Variants in ESPL1 observed in about 807,000 individuals in gnomAD.
The protein encoded by ESPL1 is extra spindle pole bodies like 1, separase.
Under a neutral mutation model 217.2 loss-of-function variants are expected in ESPL1, and 50 were observed. The observed-to-expected ratio is 0.23, with a 90% CI of 0.18 to 0.29. The LOEUF is 0.29. Ranked by LOEUF, ESPL1 falls within the 10% of genes least tolerant of loss-of-function variation. The probability of loss-of-function intolerance (pLI) is 1.00; values close to 1 mark genes in which losing one functional copy is unlikely to be tolerated. For missense variants in ESPL1, 1,834 were observed against 2,603.0 expected, an observed-to-expected ratio of 0.70 and a Z score of 6.43; for synonymous variants, 994 against 1,081.3, an observed-to-expected ratio of 0.92 and a Z score of 1.58.
rs1293979491 is a variant in ESPL1, at chr12:53,293,375, C to G, written c.6264C>G (p.Pro2088=). ...GGCTTGGAGCAGGCCCAGGGGCCCC[C>G]CTTCTCTACTATGTAAACCAGGCCC... The part of the protein sequence containing the change: ...QGWLGAGPGA[P]LLYYVNQARQ... Residue 2088 remains proline (P), a synonymous_variant, in exon 31 of 31, where the codon CCC becomes CCG. Transcript: ENST00000257934. The surrounding 1 kb of genome is among the most constrained non-coding windows in gnomAD (Gnocchi z 4.2). The G allele has an allele frequency of 2.5e-6, 4 of 1,614,188 alleles. No individual in the cohort carries two copies. Among genetic ancestry groups the G allele is most frequent in the Non-Finnish European group, 2.5e-6 (3 of 1,180,002 alleles).
chr12:53,271,029 G>A (rs1426644585), intron 5 of ESPL1, among the ~76,000 whole-genome samples: 2 of 151,818 alleles, frequency 1.3e-5, no homozygotes, highest in Admixed American at 1.3e-4. Flanking sequence ...ATCTAACTTG[G>A]CATTAACAGT....
At position 53,292,476 on chromosome 12, in the gene ESPL1, G is replaced by A; in HGVS notation, c.5912+83G>A. ...ACAAGCCTTTTCTCCAGAAACAGCTGTTGCAGCCCACCTTCTATCTAATGA... is the reference window on the plus strand; with the variant it reads ...ACAAGCCTTTTCTCCAGAAACAGCTATTGCAGCCCACCTTCTATCTAATGA... On this transcript the variant is annotated intron_variant, in intron 28 of 30. Coordinates refer to ENST00000257934, the MANE Select transcript of ESPL1 (RefSeq NM_012291.5). This position sits in a 1 kb window ranked among gnomAD's most constrained non-coding sequence, Gnocchi z 4.5. The A allele has an allele frequency of 7.2e-7, 1 of 1,384,598 alleles. No individual in the cohort carries two copies. The highest frequency in any genetic ancestry group is 1.0e-6 in the Non-Finnish European group (1 of 971,322). 85.8% of individuals were successfully genotyped at this position (1,384,598 alleles called of 1,614,324 possible). A position where few individuals can be genotyped will look rare whatever the true frequency, so the allele number is the denominator to read the frequency against.
Position 53,269,804 on chromosome 12 carries a change from G to A in ESPL1, c.862G>A (p.Ala288Thr). ...AHSYLRNTNL[A>T]PSLQLCQLGV... is the part of the protein sequence containing the mutation. ...CAGTTACCTAAGGAACACCAATCTA[G>A]CCCCTAGCCTTCAGCTATGTCAGCT... is the stretch of plus-strand genomic sequence containing the variant. Residue 288 changes from alanine to threonine, a missense_variant, in exon 3 of 31, where the codon GCC becomes ACC. By Grantham distance (58) the Ala-to-Thr change is moderately conservative. Around this residue, in one of 5 missense-constraint regions of ESPL1, gnomAD observed 746 missense variants for 1,077.0 expected, o/e 0.69. Transcript: ENST00000257934. The surrounding 1 kb of genome is among the most constrained non-coding windows in gnomAD (Gnocchi z 6.7). 1 of 1,614,214 alleles carries A rather than the reference G, an allele frequency of 6.2e-7. No individual in the cohort carries two copies. Among genetic ancestry groups the A allele is most frequent in the Non-Finnish European group, 8.5e-7 (1 of 1,180,040 alleles).
rs1371431242 is a variant in ESPL1, at chr12:53,272,870, G to A, written c.1506+13G>A. 4 of 1,612,954 alleles carry A rather than the reference G, an allele frequency of 2.5e-6. No individual in the cohort carries two copies. The highest frequency in any genetic ancestry group is 2.2e-5 in the East Asian group (1 of 44,858). On this transcript the variant is annotated intron_variant, in intron 6 of 30. Transcript: ENST00000257934. ...GCCTCCTGAGAAGGTACAAGGGAAT[G>A]AGAGATGCAGGAAAGGAGCTTATGT...
Position 53,281,623 on chromosome 12 carries a change from G to C in ESPL1, c.2616G>C (p.Gln872His). 1 of 1,612,784 alleles carries C rather than the reference G, an allele frequency of 6.2e-7. No individual in the cohort carries two copies. The highest frequency in any genetic ancestry group is 8.5e-7 in the Non-Finnish European group (1 of 1,179,396). The change falls in exon 13 of 31, where the codon CAG becomes CAC. Residue 872 changes from glutamine (Q) to histidine (H), a missense_variant. By Grantham distance (24) the Gln-to-His change is conservative. Transcript: ENST00000257934. The stretch of plus-strand genomic sequence containing the variant: ...GAAGTCAACTCTACTGGACTCACCA[G>C]AAGGTATTTCTCACTTTCTTAAACT... ...LLRSQLYWTHQKVTKGVSLLL... is the reference protein window; with the variant it reads ...LLRSQLYWTHHKVTKGVSLLL...
chr12:53,268,832 G>T lies in ESPL1; in HGVS notation c.66G>T (p.Leu22Phe). ...GCAGCCAGAAGGAGGCTGAAGAGTT[G>T]CTGCCCGCCTTGAAGGTGGGGGTGC... is the stretch of plus-strand genomic sequence containing the variant. ...LLSSQKEAEE[L>F]LPALKEFLSN... The change falls in exon 2 of 31, where the codon TTG becomes TTT. Residue 22 changes from leucine (L) to phenylalanine (F), a missense_variant. Leu to Phe is a conservative substitution (Grantham distance 22, BLOSUM62 0). This residue lies in a region of ESPL1 where 746 missense variants were observed against 1,077.0 expected (regional missense o/e 0.69). Coordinates refer to ENST00000257934, the MANE Select transcript of ESPL1 (RefSeq NM_012291.5). The T allele has an allele frequency of 6.2e-7, 1 of 1,612,284 alleles. No individual in the cohort carries two copies.
intron 7 of ESPL1, 110 bp downstream of exon 7, chr12:53,275,120 T>C (rs1943743631): frequency 6.3e-6 from 5 of 795,586 alleles, no homozygotes; most frequent in Non-Finnish European, 7.6e-6. Context: ...GCCAACATGG[T>C]GAAACCCCGT....
chr12:53,289,655 C>A, intron 22 of ESPL1, 61 bp downstream of exon 22: 1 of 1,447,210 alleles, frequency 6.9e-7, no homozygotes, highest in Non-Finnish European at 9.5e-7. Context: ...TACTTGGGAG[C>A]TGGGTGAAGG....
intron 6 of ESPL1, among the ~76,000 whole-genome samples, chr12:53,273,767 A>G (rs1350595483): frequency 2.0e-5 from 3 of 150,116 alleles, no homozygotes; most frequent in African/African-American, 7.4e-5. Context: ...TCACATCTGA[A>G]TATTTTCAAA....
In ESPL1 at chr12:53,282,514, C is replaced by T; in HGVS notation, c.2791+79C>T. On this transcript the variant is annotated intron_variant, in intron 14 of 30. Transcript: ENST00000257934. The surrounding 1 kb of genome is among the most constrained non-coding windows in gnomAD (Gnocchi z 4.0). The stretch of plus-strand genomic sequence containing the variant: ...TGTCAGCTCTTCTCAAACCTCATCC[C>T]CTCTGCTGGCTAACTATGTGGCCCA... The T allele has an allele frequency of 7.5e-7, 1 of 1,334,168 alleles. No homozygotes were observed. The highest frequency in any genetic ancestry group is 1.1e-6 in the Non-Finnish European group (1 of 950,526). The allele number at this position is 1,334,168 out of a possible 1,614,324, so 82.6% of individuals were successfully genotyped here. A position where few individuals can be genotyped will look rare whatever the true frequency, so the allele number is the denominator to read the frequency against.
Position 53,276,822 on chromosome 12 carries a change from G to A in ESPL1, c.1903G>A (p.Val635Met). 6.2e-7 allele frequency: 1 copy of A among 1,613,936 alleles called. No individual in the cohort carries two copies. The highest frequency in any genetic ancestry group is 8.5e-7 in the Non-Finnish European group (1 of 1,180,040). ...RATHLVELAQ[V>M]LCYHDFTQQT... The stretch of plus-strand genomic sequence containing the variant: ...CACCCACCTGGTAGAACTGGCTCAG[G>A]TGCTCTGCTACCACGACTTTACGCA... The change falls in exon 8 of 31, where the codon GTG becomes ATG. Residue 635 changes from valine (V) to methionine (M), a missense_variant. This residue lies in a region of ESPL1 where 746 missense variants were observed against 1,077.0 expected (regional missense o/e 0.69). Coordinates refer to ENST00000257934, the MANE Select transcript of ESPL1 (RefSeq NM_012291.5).
chr12:53,271,889 A>C (rs577698433), intron 5 of ESPL1, among the ~76,000 whole-genome samples: 39 of 152,256 alleles, frequency 2.6e-4, no homozygotes, highest in African/African-American at 8.7e-4. Context: ...GGAGATCGAG[A>C]CCATCCTGGC....
At chr12:53,279,133 C>T (rs1272974219) in intron 11 of ESPL1, among the ~76,000 whole-genome samples, 1 of 152,190 alleles carries the variant, frequency 6.6e-6, no homozygotes, top group Non-Finnish European at 1.5e-5. Flanking sequence ...TCAGGTGACC[C>T]GTCTGCCTCA....
chr12:53,283,470 T>C lies in ESPL1; in HGVS notation c.3009T>C (p.Ser1003=), dbSNP rs772561867. 6.8e-6 allele frequency: 11 copies of C among 1,613,986 alleles called. 1 individual carries two copies. In the South Asian group the frequency reaches 1.2e-4, roughly 18 times the overall value. The stretch of plus-strand genomic sequence containing the variant: ...TCTGCCACCTGGGCCGCCTGGGTAG[T>C]GTGAGTGAAGCCAAGGCCTTTTGCT... ...KLVCHLGRLG[S]VSEAKAFCLE... Residue 1003 remains serine, a synonymous_variant, in exon 16 of 31, where the codon AGT becomes AGC. Transcript: ENST00000257934.
At chr12:53,287,645 G>C (rs966818068) in intron 18 of ESPL1, 2 of 195,074 alleles carry the variant, frequency 1.0e-5, no homozygotes, top group Non-Finnish European at 2.1e-5. Flanking sequence ...GATTACAGAC[G>C]TGAGCCACTG....
chr12:53,282,988 G>C lies in ESPL1; in HGVS notation c.2792-141G>C, dbSNP rs1565758878. 1 of 1,098,184 alleles carries C rather than the reference G, an allele frequency of 9.1e-7. No homozygotes were observed. Among genetic ancestry groups the C allele is most frequent in the Non-Finnish European group, 1.3e-6 (1 of 760,282 alleles). 68.0% of individuals were successfully genotyped at this position (1,098,184 alleles called of 1,614,324 possible). On this transcript the variant is annotated intron_variant, in intron 14 of 30. Coordinates refer to ENST00000257934, the MANE Select transcript of ESPL1 (RefSeq NM_012291.5). This position sits in a 1 kb window ranked among gnomAD's most constrained non-coding sequence, Gnocchi z 4.0. ...GATTCTGAGACCCCAGGGGATCTCA[G>C]AGGGAAGGAGTTATGAGATTGATTA...
Position 53,283,279 on chromosome 12 carries a change from G to C in ESPL1, c.2920+22G>C, listed in dbSNP as rs756932470. On this transcript the variant is annotated intron_variant, in intron 15 of 30. Coordinates refer to ENST00000257934, the MANE Select transcript of ESPL1 (RefSeq NM_012291.5). ...TATGGTGAGTCTGGGGAGGACAGCA[G>C]GGCCCTCTTGGAATGGACAGGCTAT... 8.7e-6 allele frequency: 14 copies of C among 1,614,042 alleles called. No homozygotes were observed. In the South Asian group the frequency reaches 1.5e-4, roughly 18 times the overall value.
At chr12:53,276,957 C>T in intron 8 of ESPL1, 98 bp downstream of exon 8, 1 of 1,555,870 alleles carries the variant, frequency 6.4e-7, no homozygotes. Flanking sequence ...CTGAGCTCTC[C>T]CTTCATCTTG....
chr12:53,288,837 C>A, intron 20 of ESPL1, 138 bp downstream of exon 20: 1 of 550,278 alleles, frequency 1.8e-6, no homozygotes, highest in Non-Finnish European at 3.1e-6. Flanking sequence ...AGCACTCTGT[C>A]TATGAGCTGT....
Sources: gnomAD v4.1 joint callset for allele counts (sites outside exome capture counted in the v4.1 genomes callset) on GRCh38, gnomAD v4.1.1 for gene constraint, gnomAD v4.1.1 regional missense constraint, Gnocchi (gnomAD v3.1) non-coding constraint, MANE v1.5 for transcripts, NCBI Gene and HGNC (gene_info 2026-07-23, HGNC 2026-07-21) for gene names.